The following MBNL2 variants were observed in gnomAD, a reference collection of about 807,000 sequenced individuals.
MBNL2 encodes muscleblind like splicing regulator 2, also known as muscleblind-like protein 2.
MBNL2 carries 17 observed loss-of-function variants against 41.9 expected under a neutral mutation model. The ratio of observed to expected loss-of-function variants is 0.41; its 90% CI spans 0.28 to 0.61. The LOEUF (loss-of-function observed/expected upper bound fraction) is 0.61, where lower values mean the gene tolerates loss of function less well. Ranked by LOEUF, MBNL2 falls within the 20% of genes least tolerant of loss-of-function variation. The pLI is 0.35. For synonymous variants in MBNL2, 195 were observed against 182.9 expected (o/e 1.07, Z -0.53); for missense variants, 336 against 505.6 (o/e 0.66, Z 3.22).
intron 2 of MBNL2, among the ~76,000 whole-genome samples, chr13:97,279,654 C>T (rs59908527): frequency 0.02 from 3,002 of 152,246 alleles, 111 homozygotes; most frequent in African/African-American, 0.068. Context: ...ATATTTTGTG[C>T]AAACACTGTG....
intron 2 of MBNL2, among the ~76,000 whole-genome samples, chr13:97,314,155 C>G (rs1289457978): frequency 6.6e-6 from 1 of 152,140 alleles, no homozygotes; most frequent in Non-Finnish European, 1.5e-5. Flanking sequence ...TCACTCTGCT[C>G]TAGCCACACT....
intron 8 of MBNL2, among the ~76,000 whole-genome samples, chr13:97,390,209 G>T (rs1045424980): frequency 3.9e-5 from 6 of 151,982 alleles, no homozygotes; most frequent in Admixed American, 3.3e-4. Context: ...ATAAAATAAA[G>T]AATACTCATG....
At chr13:97,384,137 G>C (rs749371604) in intron 8 of MBNL2, among the ~76,000 whole-genome samples, 1 of 152,210 alleles carries the variant, frequency 6.6e-6, no homozygotes, top group East Asian at 1.9e-4. Flanking sequence ...CTGACCTCAA[G>C]TGATCTGTCC....
At chr13:97,281,696 T>C (rs1381259333) in intron 2 of MBNL2, among the ~76,000 whole-genome samples, 1 of 152,256 alleles carries the variant, frequency 6.6e-6, no homozygotes, top group Non-Finnish European at 1.5e-5. Flanking sequence ...TTTGCAAATA[T>C]AATCTCAGAC....
chr13:97,187,902 G>T, the MBNL2 span, among the ~76,000 whole-genome samples: 1 of 111,346 alleles, frequency 9.0e-6, no homozygotes, highest in Non-Finnish European at 2.1e-5. Flanking sequence ...GTGAGACTTC[G>T]TCTCAAAAAA....
chr13:97,245,326 C>G lies in MBNL2; in HGVS notation c.-605+22795C>G, dbSNP rs983317304. Reference sequence around the variant, plus strand: ...TCCCAGGGAAAAAGTGCTGGGATCACTTAGTGATACCTGCCATGGACAGGA... The same window carrying G: ...TCCCAGGGAAAAAGTGCTGGGATCAGTTAGTGATACCTGCCATGGACAGGA... On this transcript the variant is annotated intron_variant, in intron 1 of 8. Coordinates refer to ENST00000679496, the MANE Select transcript of MBNL2 (RefSeq NM_001382683.1). 2.0e-5 allele frequency among the ~76,000 whole-genome samples: 3 copies of G among 152,074 alleles called. No individual in the cohort carries two copies. In the South Asian group the frequency reaches 6.2e-4, roughly 32 times the overall value.
intron 1 of MBNL2, among the ~76,000 whole-genome samples, chr13:97,223,592 C>T (rs1452417988): frequency 3.3e-5 from 5 of 152,144 alleles, no homozygotes; most frequent in African/African-American, 7.2e-5. Flanking sequence ...GAATGTTCTA[C>T]AAGAAACATT....
chr13:97,376,071 T>C (rs1057048596), intron 8 of MBNL2, among the ~76,000 whole-genome samples: 1 of 151,936 alleles, frequency 6.6e-6, no homozygotes, highest in Non-Finnish European at 1.5e-5. Flanking sequence ...AGTGAATGGG[T>C]AGAGGTGTGC....
the MBNL2 span, among the ~76,000 whole-genome samples, chr13:97,170,657 TGGTGGATCCA>T: frequency 1.3e-5 from 2 of 152,126 alleles, no homozygotes; most frequent in African/African-American, 4.8e-5. Flanking sequence ...AGCCACTGGT[TGGTGGATCCA>T]GGTGGAGCCA....
chr13:97,220,393 C>T (rs1266915444), upstream of MBNL2, among the ~76,000 whole-genome samples: 1 of 152,022 alleles, frequency 6.6e-6, no homozygotes, highest in African/African-American at 2.4e-5. Flanking sequence ...GTAATGTGGC[C>T]ACAGAAGACA....
At chr13:97,265,660 C>T (rs920158677) in intron 1 of MBNL2, among the ~76,000 whole-genome samples, 11 of 151,772 alleles carry the variant, frequency 7.2e-5, no homozygotes, top group Admixed American at 3.9e-4. Context: ...TTTGTGTGTG[C>T]GTGTGTGTGT....
chr13:97,266,228 C>T (rs1244871989), intron 1 of MBNL2, among the ~76,000 whole-genome samples: 1 of 151,988 alleles, frequency 6.6e-6, no homozygotes, highest in Non-Finnish European at 1.5e-5. Context: ...GGCAACAGAG[C>T]AAGACTTCAT....
chr13:97,358,745 T>G (rs2063177888), intron 7 of MBNL2, among the ~76,000 whole-genome samples: 1 of 152,200 alleles, frequency 6.6e-6, no homozygotes, highest in Non-Finnish European at 1.5e-5. Flanking sequence ...GATAGTGAAA[T>G]GAAAGTAAAT....
chr13:97,340,170 G>C (rs901736184), intron 3 of MBNL2, among the ~76,000 whole-genome samples: 5 of 152,336 alleles, frequency 3.3e-5, no homozygotes, highest in African/African-American at 9.6e-5. Flanking sequence ...CAGATGTAAA[G>C]CATTATTATC....
intron 2 of MBNL2, among the ~76,000 whole-genome samples, chr13:97,333,129 T>C (rs549300736): frequency 6.6e-6 from 1 of 152,346 alleles, no homozygotes; most frequent in South Asian, 2.1e-4. Context: ...AGCTTGCTTT[T>C]TAAAATTATT....
intron 1 of MBNL2, among the ~76,000 whole-genome samples, chr13:97,264,360 A>C (rs1017219102): frequency 2.0e-5 from 3 of 152,270 alleles, no homozygotes; most frequent in African/African-American, 7.2e-5. Context: ...TAGGAACTTC[A>C]TCAGAAATTA....
At chr13:97,210,313 TAGTC>T in the MBNL2 span, among the ~76,000 whole-genome samples, 2 of 152,218 alleles carry the variant, frequency 1.3e-5, no homozygotes, top group East Asian at 1.9e-4. Flanking sequence ...CTGTGTTTCT[TAGTC>T]AGGGACCCAG....
chr13:97,322,387 A>AT (rs1203822885), intron 2 of MBNL2, among the ~76,000 whole-genome samples: 1 of 152,170 alleles, frequency 6.6e-6, no homozygotes, highest in Non-Finnish European at 1.5e-5. Flanking sequence ...TAATGGTTCA[A>AT]TTTACGATTT....
At chr13:97,373,605 A>ATATAT (rs2064618432) in intron 8 of MBNL2, among the ~76,000 whole-genome samples, 29 of 145,410 alleles carry the variant, frequency 2.0e-4, no homozygotes, top group Admixed American at 8.2e-4. Context: ...GTATGCTAAA[A>ATATAT]ATATATATAT....
Sources: gnomAD v4.1 joint callset for allele counts (sites outside exome capture counted in the v4.1 genomes callset) on GRCh38, gnomAD v4.1.1 for gene constraint, MANE v1.5 for transcripts, NCBI Gene and HGNC (gene_info 2026-07-23, HGNC 2026-07-21) for gene names.